ZNF536: variants seen among roughly 807,000 people sequenced by gnomAD.
ZNF536 encodes zinc finger protein 536.
ZNF536 carries 13 observed loss-of-function variants against 84.5 expected under a neutral mutation model. The ratio of observed to expected loss-of-function variants is 0.15; its 90% CI spans 0.10 to 0.24. The LOEUF (loss-of-function observed/expected upper bound fraction) is 0.24, where lower values mean the gene tolerates loss of function less well. Ranked by LOEUF, ZNF536 falls within the 10% of genes least tolerant of loss-of-function variation. ZNF536 has a pLI of 1.00. For synonymous variants in ZNF536, 811 were observed against 742.5 expected (o/e 1.09, Z -1.50); for missense variants, 1,536 against 1,747.5 (o/e 0.88, Z 2.16).
At chr19:30,283,392 A>T (rs2045520240) in intron 1 of ZNF536, among the ~76,000 whole-genome samples, 1 of 152,254 alleles carries the variant, frequency 6.6e-6, no homozygotes, top group African/African-American at 2.4e-5. Flanking sequence ...CTTGTCCTTT[A>T]TCACCTCTGA....
intron 1 of ZNF536, among the ~76,000 whole-genome samples, chr19:30,390,003 T>C (rs2049512032): frequency 6.6e-6 from 1 of 152,194 alleles, no homozygotes; most frequent in Non-Finnish European, 1.5e-5. Context: ...CTCCCAGGGA[T>C]TTCCCTCCTC....
At chr19:30,329,159 T>C (rs2047129303) in intron 2 of ZNF536, among the ~76,000 whole-genome samples, 1 of 152,140 alleles carries the variant, frequency 6.6e-6, no homozygotes, top group Non-Finnish European at 1.5e-5. Flanking sequence ...CAAACACCTG[T>C]CCTAAGCCAC....
chr19:30,399,220 G>A (rs1236815623), intron 1 of ZNF536, among the ~76,000 whole-genome samples: 1 of 152,030 alleles, frequency 6.6e-6, no homozygotes, highest in East Asian at 1.9e-4. Flanking sequence ...GTCTTCTTTC[G>A]AGAAGTGTCT....
At chr19:30,403,695 C>T (rs1341799712) in intron 1 of ZNF536, among the ~76,000 whole-genome samples, 4 of 152,230 alleles carry the variant, frequency 2.6e-5, no homozygotes, top group Admixed American at 1.3e-4. Flanking sequence ...TCCACAGCCT[C>T]CCTGTCTGCT....
At chr19:30,486,228 C>T (rs1419429164) in intron 2 of ZNF536, among the ~76,000 whole-genome samples, 1 of 152,184 alleles carries the variant, frequency 6.6e-6, no homozygotes, top group Admixed American at 6.5e-5. Context: ...CATGCATTAG[C>T]TATTTATTCT....
At chr19:30,237,590 G>A (rs1387631927) in intron 1 of ZNF536, among the ~76,000 whole-genome samples, 2 of 152,074 alleles carry the variant, frequency 1.3e-5, no homozygotes, top group Non-Finnish European at 2.9e-5. Flanking sequence ...TATCATCAAC[G>A]GACTCTTAAC....
intron 1 of ZNF536, among the ~76,000 whole-genome samples, chr19:30,407,312 C>T (rs933370083): frequency 2.0e-5 from 3 of 152,180 alleles, no homozygotes; most frequent in Admixed American, 1.3e-4. Flanking sequence ...CTTGCTGTTT[C>T]GAGAAAACTC....
At chr19:30,340,940 G>T (rs534692490) in intron 2 of ZNF536, among the ~76,000 whole-genome samples, 1 of 151,878 alleles carries the variant, frequency 6.6e-6, no homozygotes, top group Non-Finnish European at 1.5e-5. Context: ...CACTTAATTC[G>T]GTTCCAGCCG....
chr19:30,678,907 G>A (rs141546587), intron 1 of ZNF536, among the ~76,000 whole-genome samples: 2 of 152,256 alleles, frequency 1.3e-5, no homozygotes, highest in Non-Finnish European at 2.9e-5. Context: ...GTTCACTCCA[G>A]CCTGGGTGAC....
intron 1 of ZNF536, among the ~76,000 whole-genome samples, chr19:30,415,321 CTTCTTCTTCCT>C: frequency 6.8e-6 from 1 of 147,376 alleles, no homozygotes; most frequent in African/African-American, 2.5e-5. Flanking sequence ...TCTCCTTCTT[CTTCTTCTTCCT>C]CTTCTTCTTC....
At chr19:30,425,613 C>G (rs569555220) in intron 1 of ZNF536, among the ~76,000 whole-genome samples, 17 of 152,162 alleles carry the variant, frequency 1.1e-4, no homozygotes, top group South Asian at 4.1e-4. Flanking sequence ...AGCAAAACAG[C>G]TGCCACAGCT....
intron 2 of ZNF536, among the ~76,000 whole-genome samples, chr19:30,503,928 T>C (rs1304775795): frequency 6.6e-6 from 1 of 152,128 alleles, no homozygotes; most frequent in Non-Finnish European, 1.5e-5. Context: ...TCTCTTTTTT[T>C]TTAATGAACG....
intron 2 of ZNF536, among the ~76,000 whole-genome samples, chr19:30,307,384 G>A (rs536213724): frequency 1.1e-5 from 1 of 89,816 alleles, no homozygotes; most frequent in South Asian, 3.5e-4. Context: ...GCCAGAGGAC[G>A]TGCAAAAAAA....
At chr19:30,628,057 G>A (rs536875750) in intron 1 of ZNF536, among the ~76,000 whole-genome samples, 75 of 152,342 alleles carry the variant, frequency 4.9e-4, no homozygotes, top group African/African-American at 1.6e-3. Flanking sequence ...ACAGACAGAC[G>A]GGAATGCAGC....
chr19:30,516,997 C>T (rs1375679957), intron 2 of ZNF536, among the ~76,000 whole-genome samples: 3 of 152,150 alleles, frequency 2.0e-5, no homozygotes, highest in Non-Finnish European at 4.4e-5. Flanking sequence ...CAGGCCCAGC[C>T]ACCGAGTCCT....
In ZNF536 at chr19:30,611,664, C is replaced by T. The variant is rs79287958; in HGVS notation, c.169+62150C>T. ...TTTAGCTTTAGGGTTGGTGACATGG[C>T]GCGTACTATTTCTGCATAAATTTCC... On this transcript the variant is annotated intron_variant, in intron 1 of 1. Coordinates refer to the ZNF536 transcript ENST00000592773. 1.5e-3 allele frequency among the ~76,000 whole-genome samples: 234 copies of T among 152,168 alleles called. 1 individual carries two copies. Among genetic ancestry groups the T allele is most frequent in the African/African-American group, 5.0e-3 (207 of 41,508 alleles).
chr19:30,643,067 G>A (rs911054584), intron 1 of ZNF536, among the ~76,000 whole-genome samples: 6 of 152,180 alleles, frequency 3.9e-5, no homozygotes, highest in African/African-American at 1.4e-4. Context: ...GATTTCATAA[G>A]TAAAGCCAGA....
intron 1 of ZNF536, among the ~76,000 whole-genome samples, chr19:30,669,606 C>G (rs78536610): frequency 0.017 from 2,585 of 152,238 alleles, 30 homozygotes; most frequent in Middle Eastern, 0.041. Flanking sequence ...TCGGGAATCC[C>G]GAGATGGCCG....
In ZNF536 at chr19:30,228,798, G is replaced by A. The variant is rs1313039119; in HGVS notation, c.-190+125G>A. 3 of 150,188 alleles carry A rather than the reference G, an allele frequency of 2.0e-5. No individual in the cohort carries two copies. The highest frequency in any genetic ancestry group is 7.4e-5 in the African/African-American group (3 of 40,328). 9.3% of individuals were successfully genotyped at this position (150,188 alleles called of 1,614,324 possible). Reference sequence around the variant, plus strand: ...GTGGGCGGCTGGGCGGCTGGGCGGCGGGAGGACGGCCTCCGCGGGCTCCGG... The same window carrying A: ...GTGGGCGGCTGGGCGGCTGGGCGGCAGGAGGACGGCCTCCGCGGGCTCCGG... On this transcript the variant is annotated intron_variant, in intron 1 of 5. Coordinates refer to the ZNF536 transcript ENST00000585628. The surrounding 1 kb of genome is among the most constrained non-coding windows in gnomAD (Gnocchi z 4.5).
Sources: gnomAD v4.1 joint callset for allele counts (sites outside exome capture counted in the v4.1 genomes callset) on GRCh38, gnomAD v4.1.1 for gene constraint, Gnocchi (gnomAD v3.1) non-coding constraint, MANE v1.5 for transcripts, NCBI Gene and HGNC (gene_info 2026-07-23, HGNC 2026-07-21) for gene names.